PDE1C: variants seen among roughly 807,000 people sequenced by gnomAD.
PDE1C encodes phosphodiesterase 1C, also known as dual specificity calcium/calmodulin-dependent 3',5'-cyclic nucleotide phosphodiesterase 1C.
PDE1C carries 62 observed loss-of-function variants against 93.1 expected under a neutral mutation model. The ratio of observed to expected loss-of-function variants is 0.67; its 90% CI spans 0.54 to 0.82. The LOEUF (loss-of-function observed/expected upper bound fraction) is 0.82. PDE1C is among the 40% of genes least tolerant of loss of function. The pLI, the probability that PDE1C is intolerant of heterozygous loss-of-function variation, is 0.00. For synonymous variants in PDE1C, 325 were observed against 310.1 expected (o/e 1.05, Z -0.50); for missense variants, 742 against 884.6 (o/e 0.84, Z 2.04).
chr7:32,394,277 G>A (rs1183208375), intron 1 of PDE1C, among the ~76,000 whole-genome samples: 1 of 152,310 alleles, frequency 6.6e-6, no homozygotes, highest in East Asian at 1.9e-4. Context: ...TTTTTAAAAA[G>A]GAGGCTGAAG....
intron 13 of PDE1C, 82 bp downstream of exon 13, chr7:31,824,785 C>T (rs989420549): frequency 7.8e-6 from 12 of 1,537,186 alleles, no homozygotes; most frequent in Non-Finnish European, 8.9e-6. Flanking sequence ...TATGAAATAC[C>T]ATCCCCATCC....
Position 31,879,034 on chromosome 7 carries a change from G to A in PDE1C, c.387C>T (p.Ser129=). 1.2e-6 allele frequency: 2 copies of A among 1,614,170 alleles called. No homozygotes were observed. Among genetic ancestry groups the A allele is most frequent in the African/African-American group, 1.3e-5 (1 of 75,052 alleles). ...TCCCAGCCTGCACTGCGTGAACGAT[G>A]CTCTTGAACCGGGGCTTCTCGTCGC... is the stretch of plus-strand genomic sequence containing the variant. ...RRSDEKPRFK[S]IVHAVQAGIF... is the part of the protein sequence containing the mutation. The change falls in exon 4 of 18, where the codon AGC becomes AGT. Residue 129 remains serine, a synonymous_variant. Transcript: ENST00000396191.
At chr7:31,832,364 A>C (rs1377944639) in intron 11 of PDE1C, among the ~76,000 whole-genome samples, 1 of 152,230 alleles carries the variant, frequency 6.6e-6, no homozygotes. Flanking sequence ...ATATTTCATC[A>C]AAAAGTACCC....
chr7:31,962,227 A>C (rs1809099040), intron 2 of PDE1C, among the ~76,000 whole-genome samples: 1 of 152,224 alleles, frequency 6.6e-6, no homozygotes, highest in African/African-American at 2.4e-5. Context: ...GAGCATTTCA[A>C]AGTATTGCTA....
At position 32,102,334 on chromosome 7, in the gene PDE1C, A is replaced by C. The variant is rs577395310; in HGVS notation, c.308+67451T>G. On this transcript the variant is annotated intron_variant, in intron 3 of 18. Transcript: ENST00000396193. ...AAAGAAACCTCAAAGAACATCATCC[A>C]GAGTGATATACTGGAGGTCTACTAG... Among the ~76,000 whole-genome samples the C allele has an allele frequency of 5.8e-4, 89 of 152,306 alleles. No individual in the cohort carries two copies. The South Asian group carries it at 0.013, about 22-fold the overall frequency.
the PDE1C span, among the ~76,000 whole-genome samples, chr7:31,647,661 G>A: frequency 9.1e-6 from 1 of 109,726 alleles, no homozygotes; most frequent in East Asian, 3.0e-4. Flanking sequence ...GCAACAGAGA[G>A]AGTCTCCGTC....
At chr7:31,790,141 C>G in intron 16 of PDE1C, 1 of 1,589,456 alleles carries the variant, frequency 6.3e-7, no homozygotes, top group Non-Finnish European at 8.5e-7. Context: ...TACACCTTCT[C>G]CAGATATGGG....
chr7:32,024,269 TG>T (rs1008670948), intron 2 of PDE1C, among the ~76,000 whole-genome samples: 2 of 151,852 alleles, frequency 1.3e-5, no homozygotes, highest in African/African-American at 4.8e-5. Flanking sequence ...AAACCTGATT[TG>T]GGGGGAAATT....
chr7:32,128,609 T>C (rs1423125227), intron 3 of PDE1C, among the ~76,000 whole-genome samples: 2 of 151,710 alleles, frequency 1.3e-5, no homozygotes, highest in Non-Finnish European at 2.9e-5. Flanking sequence ...AACCATCAAG[T>C]TAGCATGGAT....
chr7:32,037,099 G>T (rs59736764), intron 2 of PDE1C, among the ~76,000 whole-genome samples: 1 of 152,050 alleles, frequency 6.6e-6, no homozygotes. Flanking sequence ...TTAAAAAGGG[G>T]GGATCACATC....
chr7:31,633,349 A>T, the PDE1C span, among the ~76,000 whole-genome samples: 2 of 152,168 alleles, frequency 1.3e-5, no homozygotes, highest in Non-Finnish European at 2.9e-5. Flanking sequence ...GAATTTCCTA[A>T]AACGTATGAT....
intron 3 of PDE1C, among the ~76,000 whole-genome samples, chr7:32,104,917 G>A (rs914903799): frequency 6.6e-6 from 1 of 152,172 alleles, no homozygotes; most frequent in Non-Finnish European, 1.5e-5. Context: ...ATCTCTTTGA[G>A]ATCTGAACTC....
chr7:32,203,086 C>T (rs867556278), intron 2 of PDE1C, among the ~76,000 whole-genome samples: 11 of 152,036 alleles, frequency 7.2e-5, no homozygotes, highest in African/African-American at 2.7e-4. Flanking sequence ...CCTACATGTA[C>T]GTGATCTCAT....
chr7:32,417,034 G>A (rs1029069448), intron 1 of PDE1C, among the ~76,000 whole-genome samples: 1 of 152,158 alleles, frequency 6.6e-6, no homozygotes, highest in Non-Finnish European at 1.5e-5. Flanking sequence ...CACAGACTAA[G>A]GAGAACAACA....
intron 2 of PDE1C, among the ~76,000 whole-genome samples, chr7:31,933,783 T>TG (rs1370853450): frequency 2.0e-5 from 3 of 152,220 alleles, no homozygotes; most frequent in African/African-American, 7.2e-5. Flanking sequence ...GCCTTGCTCA[T>TG]GCTTCTGCCA....
At chr7:31,968,073 A>G (rs1310965171) in intron 2 of PDE1C, among the ~76,000 whole-genome samples, 1 of 151,936 alleles carries the variant, frequency 6.6e-6, no homozygotes, top group East Asian at 1.9e-4. Context: ...CTCTCTCACC[A>G]CTCCTATTCA....
At chr7:32,153,421 G>A (rs923590479) in intron 3 of PDE1C, among the ~76,000 whole-genome samples, 1 of 152,060 alleles carries the variant, frequency 6.6e-6, no homozygotes. Flanking sequence ...TGAAAGAAAC[G>A]GTGACCTACA....
At position 32,224,167 on chromosome 7, in the gene PDE1C, G is replaced by A. The variant is rs928123041; in HGVS notation, c.86-14628C>T. Among the ~76,000 whole-genome samples, 7 of 152,224 alleles carry A rather than the reference G, an allele frequency of 4.6e-5. No homozygotes were observed. In the South Asian group the frequency reaches 1.4e-3, roughly 31 times the overall value. ...GTGGGTGGATCACCTGAGGTCAGGA[G>A]TTCGAGACCATCCTGGCCAACATGG... is the stretch of plus-strand genomic sequence containing the variant. On this transcript the variant is annotated intron_variant, in intron 1 of 18. Coordinates refer to the PDE1C transcript ENST00000396193.
intron 16 of PDE1C, among the ~76,000 whole-genome samples, chr7:31,805,481 G>A (rs1786710242): frequency 6.6e-6 from 1 of 151,742 alleles, no homozygotes; most frequent in South Asian, 2.1e-4. Context: ...CTTCTCTCCA[G>A]TATTTTATTC....
Sources: allele counts gnomAD v4.1 joint callset (sites outside exome capture counted in the v4.1 genomes callset), GRCh38; gene constraint gnomAD v4.1.1; transcripts MANE v1.5; gene names NCBI Gene and HGNC (gene_info 2026-07-23, HGNC 2026-07-21).